Variants in IGF1R observed in about 807,000 individuals in gnomAD.
IGF1R encodes the protein insulin like growth factor 1 receptor, also known as insulin-like growth factor 1 receptor.
A neutral mutation model predicts 144.6 loss-of-function variants in IGF1R; 44 were observed. The observed-to-expected ratio is 0.30, with a 90% CI of 0.24 to 0.39. The LOEUF is 0.39. Among genes scored for constraint, IGF1R ranks in the 10% least tolerant of loss-of-function variants. The pLI is 1.00. For synonymous variants in IGF1R, 795 were observed against 722.8 expected, an observed-to-expected ratio of 1.10 and a Z score of -1.60; for missense variants, 1,355 against 1,833.7, an observed-to-expected ratio of 0.74 and a Z score of 4.77.
rs1395339750 is a variant in IGF1R, at chr15:98,960,434, G to A, written c.*2992G>A. On this transcript the variant is annotated 3_prime_UTR_variant, in exon 21 of 21. Transcript: ENST00000650285. ...AGGCTGTCCCTGGCTGGTTGTCTTT[G>A]GAACAAACTGCTTCTGTGCAGATGG... is the stretch of plus-strand genomic sequence containing the variant. 2 of 232,882 alleles carry A rather than the reference G, an allele frequency of 8.6e-6. No homozygotes were observed. The highest frequency in any genetic ancestry group is 5.6e-5 in the Admixed American group (1 of 17,740). The allele number at this position is 232,882 out of a possible 1,614,324, so 14.4% of individuals were successfully genotyped here. A position where few individuals can be genotyped will look rare whatever the true frequency, so the allele number is the denominator to read the frequency against.
chr15:98,833,914 T>C (rs1300538456), intron 2 of IGF1R, among the ~76,000 whole-genome samples: 3 of 152,324 alleles, frequency 2.0e-5, no homozygotes, highest in East Asian at 1.9e-4. Flanking sequence ...AATGAACTTA[T>C]GTGTTGGATC....
At chr15:98,909,315 G>A (rs2014895974) in intron 6 of IGF1R, among the ~76,000 whole-genome samples, 1 of 133,524 alleles carries the variant, frequency 7.5e-6, no homozygotes, top group South Asian at 2.4e-4. Flanking sequence ...AGGCTGGGGT[G>A]CAGTGGCATG....
At position 98,962,168 on chromosome 15, in the gene IGF1R, T is replaced by G. The variant is rs1028963745; in HGVS notation, c.*4726T>G. ...GGCTAGGATGCTTGTCTAGTGTTCT[T>G]AGCTGTCACGTTGGCTCCTTCCAGG... On this transcript the variant is annotated 3_prime_UTR_variant, in exon 21 of 21. Transcript: ENST00000650285. 4.3e-6 allele frequency: 1 copy of G among 233,198 alleles called. No individual in the cohort carries two copies. Among genetic ancestry groups the G allele is most frequent in the African/African-American group, 2.2e-5 (1 of 45,352 alleles). The allele number at this position is 233,198 out of a possible 1,614,324, so 14.4% of individuals were successfully genotyped here. A position where few individuals can be genotyped will look rare whatever the true frequency, so the allele number is the denominator to read the frequency against.
At chr15:98,784,205 G>A (rs1479969991) in intron 2 of IGF1R, among the ~76,000 whole-genome samples, 3 of 151,802 alleles carry the variant, frequency 2.0e-5, no homozygotes, top group East Asian at 3.9e-4. Context: ...AAAGTGCTGG[G>A]ATTACAGGCG....
intron 2 of IGF1R, among the ~76,000 whole-genome samples, chr15:98,867,020 C>G (rs529479497): frequency 6.6e-6 from 1 of 152,160 alleles, no homozygotes; most frequent in African/African-American, 2.4e-5. Flanking sequence ...TTCTTCAGCC[C>G]GCCTCTCCAT....
intron 1 of IGF1R, among the ~76,000 whole-genome samples, chr15:98,683,409 G>C (rs546488008): frequency 2.6e-5 from 4 of 152,224 alleles, no homozygotes; most frequent in Non-Finnish European, 4.4e-5. Flanking sequence ...CATTGGGGCT[G>C]TTTCTGCTCG....
At position 98,939,346 on chromosome 15, in the gene IGF1R, C is replaced by T. The variant is rs2151714275; in HGVS notation, c.3443C>T (p.Thr1148Ile). The T allele has an allele frequency of 6.2e-7, 1 of 1,614,166 alleles. No individual in the cohort carries two copies. The highest frequency in any genetic ancestry group is 8.5e-7 in the Non-Finnish European group (1 of 1,180,014). The change falls in exon 18 of 21, where the codon ACA (threonine) becomes ATA (isoleucine). Residue 1148 changes from threonine (T) to isoleucine (I), a missense_variant. Thr to Ile is a moderately conservative substitution (Grantham distance 89). Coordinates refer to ENST00000650285, the MANE Select transcript of IGF1R (RefSeq NM_000875.5). The stretch of plus-strand genomic sequence containing the variant: ...AATTGCATGGTAGCCGAAGATTTCA[C>T]AGTCAAAATCGGAGGTGTGTCCTTA... ...ARNCMVAEDF[T>I]VKIGDFGMTR... is the part of the protein sequence containing the mutation.
chr15:98,670,743 G>T lies in IGF1R; in HGVS notation c.94+21068G>T, dbSNP rs1426700154. Among the ~76,000 whole-genome samples, 4 of 152,092 alleles carry T rather than the reference G, an allele frequency of 2.6e-5. No homozygotes were observed. The East Asian group carries it at 7.7e-4, about 29-fold the overall frequency. On this transcript the variant is annotated intron_variant, in intron 1 of 20. Transcript: ENST00000650285. Reference sequence around the variant, plus strand: ...TTGATTATGGCAGATTTACTTAGAAGGGCACTGGAAAAAAGCCTCCCAAAT... The same window carrying T: ...TTGATTATGGCAGATTTACTTAGAATGGCACTGGAAAAAAGCCTCCCAAAT...
intron 1 of IGF1R, among the ~76,000 whole-genome samples, chr15:98,706,923 A>G (rs918206271): frequency 1.2e-5 from 1 of 81,258 alleles, no homozygotes; most frequent in East Asian, 3.2e-4. Flanking sequence ...TTTTATTCAT[A>G]AAAAAATCAC....
rs192014479 is a variant in IGF1R at position 98,712,303 on chromosome 15, C to T, written c.640+4196C>T. 4.6e-5 allele frequency among the ~76,000 whole-genome samples: 7 copies of T among 152,308 alleles called. No individual in the cohort carries two copies. In the East Asian group the frequency reaches 1.4e-3, roughly 29 times the overall value. On this transcript the variant is annotated intron_variant, in intron 2 of 20. Transcript: ENST00000650285. ...CCAGGACTTGTCATTCATATCAGAC[C>T]ACCACGAGCATTTCACTACAGCCTC...
At chr15:98,668,263 A>G (rs1275589389) in intron 1 of IGF1R, among the ~76,000 whole-genome samples, 2 of 152,098 alleles carry the variant, frequency 1.3e-5, no homozygotes, top group Non-Finnish European at 2.9e-5. Context: ...TTCAGATACC[A>G]CTGAAGGTAT....
intron 8 of IGF1R, among the ~76,000 whole-genome samples, chr15:98,914,725 A>G (rs1248462258): frequency 6.6e-6 from 1 of 152,222 alleles, no homozygotes; most frequent in Non-Finnish European, 1.5e-5. Flanking sequence ...GATGGAAACC[A>G]GGCACTGTAC....
intron 2 of IGF1R, among the ~76,000 whole-genome samples, chr15:98,817,560 G>C (rs1207409824): frequency 6.6e-6 from 1 of 152,094 alleles, no homozygotes. Context: ...GGAAGGTCCA[G>C]CCATGGGAAG....
At position 98,867,342 on chromosome 15, in the gene IGF1R, A is replaced by T. The variant is rs562905099; in HGVS notation, c.641-23983A>T. Among the ~76,000 whole-genome samples the T allele has an allele frequency of 4.6e-5, 7 of 152,340 alleles. No homozygotes were observed. The East Asian group carries it at 1.3e-3, about 29-fold the overall frequency. ...CTTAAAGGCAAAAAGCACTGAGCTA[A>T]TTTTTAAGAATTTTAAGTTATATAT... is the stretch of plus-strand genomic sequence containing the variant. On this transcript the variant is annotated intron_variant, in intron 2 of 20. Transcript: ENST00000650285.
rs1348596914 is a variant in IGF1R at position 98,959,524 on chromosome 15, C to G, written c.*2082C>G. ...GCTGGAGTGCTAGGTGGAGGCAGCA[C>G]AGACGCCACGGTGGCCCAAGAGCCC... On this transcript the variant is annotated 3_prime_UTR_variant, in exon 21 of 21. Transcript: ENST00000650285. 6.4e-5 allele frequency: 15 copies of G among 233,556 alleles called. 2 individuals carry two copies. The South Asian group carries it at 1.8e-3, about 28-fold the overall frequency. 14.5% of individuals were successfully genotyped at this position (233,556 alleles called of 1,614,324 possible). A position where few individuals can be genotyped will look rare whatever the true frequency, so the allele number is the denominator to read the frequency against.
At chr15:98,929,082 G>A (rs1279033057) in intron 13 of IGF1R, among the ~76,000 whole-genome samples, 3 of 152,076 alleles carry the variant, frequency 2.0e-5, no homozygotes, top group African/African-American at 4.8e-5. Context: ...AATGCTTGCT[G>A]CTGCAAGCAT....
chr15:98,820,108 G>C (rs1335922749), intron 2 of IGF1R, among the ~76,000 whole-genome samples: 1 of 152,148 alleles, frequency 6.6e-6, no homozygotes, highest in Non-Finnish European at 1.5e-5. Flanking sequence ...TTTTTATGCT[G>C]TTCAGAGTGT....
intron 2 of IGF1R, chr15:98,734,872 C>T (rs868649225): frequency 1.3e-5 from 2 of 152,056 alleles, no homozygotes; most frequent in Non-Finnish European, 2.9e-5. Context: ...CCTTCTATGC[C>T]AAGACGAATT....
Position 98,648,611 on chromosome 15 carries a change from G to GA in IGF1R, c.-962dup, listed in dbSNP as rs1031648493. Among the ~76,000 whole-genome samples the GA allele has an allele frequency of 2.1e-5, 3 of 144,326 alleles. No homozygotes were observed. Among genetic ancestry groups the GA allele is most frequent in the Non-Finnish European group, 3.1e-5 (2 of 65,200 alleles). The allele number at this position is 144,326 out of a possible 152,430, so 94.7% of individuals were successfully genotyped here. A position where few individuals can be genotyped will look rare whatever the true frequency, so the allele number is the denominator to read the frequency against. ...TTACCAGCATTAACTCCGCTGAGCG[G>GA]AAAAAAAAAGGGAAAAAACCCGAGG... On this transcript the variant is annotated 5_prime_UTR_variant, in exon 1 of 21. Transcript: ENST00000650285.
Sources: allele counts gnomAD v4.1 joint callset (sites outside exome capture counted in the v4.1 genomes callset), GRCh38; gene constraint gnomAD v4.1.1; transcripts MANE v1.5; gene names NCBI Gene and HGNC (gene_info 2026-07-23, HGNC 2026-07-21).